GPC1: variants seen among roughly 807,000 people sequenced by gnomAD.
The protein encoded by GPC1 is glypican 1.
Under a neutral mutation model 51.5 loss-of-function variants are expected in GPC1, and 26 were observed. That is an observed-to-expected ratio of 0.50 (90% confidence interval 0.37 to 0.70). GPC1 has a LOEUF of 0.70. GPC1 is among the 30% of genes least tolerant of loss of function. The pLI, the probability that GPC1 is intolerant of heterozygous loss-of-function variation, is 0.00. For synonymous variants in GPC1, 380 were observed against 348.3 expected (o/e 1.09, Z -1.01); for missense variants, 775 against 800.5 (o/e 0.97, Z 0.38).
In GPC1 at chr2:240,447,688, G is replaced by A. The variant is rs528015455; in HGVS notation, c.167-11342G>A. Among the ~76,000 whole-genome samples, 13 of 152,332 alleles carry A rather than the reference G, an allele frequency of 8.5e-5. 1 individual carries two copies. The South Asian group carries it at 1.4e-3, about 17-fold the overall frequency. The stretch of plus-strand genomic sequence containing the variant: ...GGGGGTCAAGGGCCGGCTCCACACC[G>A]GCTGTGTGCCCCTGGCCCTGCCCAC... On this transcript the variant is annotated intron_variant, in intron 1 of 8. Transcript: ENST00000264039.
chr2:240,444,196 G>A (rs2074035408), intron 1 of GPC1, among the ~76,000 whole-genome samples: 1 of 152,194 alleles, frequency 6.6e-6, no homozygotes, highest in Non-Finnish European at 1.5e-5. Flanking sequence ...CGCCCGGTGG[G>A]TCTCCTGAGG....
rs776827653 is a variant in GPC1 at position 240,464,632 on chromosome 2, C to T, written c.900C>T (p.Ile300=). ...CTGTCCTAGACTCCATGGTGCTCAT[C>T]ACCGACAAGTTCTGGGGTACATCGG... is the stretch of plus-strand genomic sequence containing the variant. ...WRNLLDSMVL[I]TDKFWGTSGV... The change falls in exon 5 of 9, where the codon ATC becomes ATT. Residue 300 remains isoleucine (I), a synonymous_variant. Transcript: ENST00000264039. 6.2e-7 allele frequency: 1 copy of T among 1,613,296 alleles called. No individual in the cohort carries two copies. Among genetic ancestry groups the T allele is most frequent in the South Asian group, 1.1e-5 (1 of 91,072 alleles).
At chr2:240,436,346 G>A (rs553356954) in intron 1 of GPC1, among the ~76,000 whole-genome samples, 226 of 152,204 alleles carry the variant, frequency 1.5e-3, no homozygotes, top group African/African-American at 5.3e-3. Flanking sequence ...CCGCACGCCG[G>A]CTTCTTCCCT....
intron 2 of GPC1, among the ~76,000 whole-genome samples, chr2:240,460,877 G>A (rs2074209614): frequency 6.6e-6 from 1 of 152,130 alleles, no homozygotes; most frequent in South Asian, 2.1e-4. Context: ...GGCAGCTGAG[G>A]GCCCCTGGGT....
intron 1 of GPC1, among the ~76,000 whole-genome samples, chr2:240,438,153 GC>G (rs1378732540): frequency 6.6e-6 from 1 of 152,208 alleles, no homozygotes; most frequent in Non-Finnish European, 1.5e-5. Flanking sequence ...TGCTGCCAGG[GC>G]TCGGGGTGCC....
chr2:240,451,725 A>C, intron 1 of GPC1: 1 of 181,260 alleles, frequency 5.5e-6, no homozygotes, highest in Non-Finnish European at 1.1e-5. Flanking sequence ...TGAGCCTCAG[A>C]CAGTGGAGCA....
rs1022539670 is a variant in GPC1, at chr2:240,467,804, TAAC to T, written c.*1515_*1517del. ...CAACACAGGCAAGTCCACCCCATAA[TAAC>T]CCTGCCAGTGCCAGGGTGGGCTGGG... On this transcript the variant is annotated 3_prime_UTR_variant, in exon 9 of 9. Transcript: ENST00000264039. 6 of 152,370 alleles carry T rather than the reference TAAC, an allele frequency of 3.9e-5. No individual in the cohort carries two copies. Among genetic ancestry groups the T allele is most frequent in the Admixed American group, 1.3e-4 (2 of 15,314 alleles). 9.4% of individuals were successfully genotyped at this position (152,370 alleles called of 1,614,324 possible).
intron 1 of GPC1, chr2:240,451,128 C>A (rs1193318024): frequency 2.1e-6 from 1 of 471,206 alleles, no homozygotes; most frequent in Non-Finnish European, 4.4e-6. Flanking sequence ...CCCTTCTGTT[C>A]CTTCCCCAGT....
Position 240,462,478 on chromosome 2 carries a change from G to T in GPC1, c.613G>T (p.Ala205Ser), listed in dbSNP as rs764654974. The T allele has an allele frequency of 6.2e-7, 1 of 1,601,552 alleles. No individual in the cohort carries two copies. Among genetic ancestry groups the T allele is most frequent in the Admixed American group, 1.7e-5 (1 of 59,498 alleles). Residue 205 changes from alanine (A) to serine (S), a missense_variant, in exon 3 of 9, where the codon GCC becomes TCC. Ala to Ser is a moderately conservative substitution (Grantham distance 99). Transcript: ENST00000264039. Reference sequence around the variant, plus strand: ...CGAGGCGCTGCGGCCCTTCGGGGAGGCCCCGAGAGAGCTGCGCCTGCGGGC... The same window carrying T: ...CGAGGCGCTGCGGCCCTTCGGGGAGTCCCCGAGAGAGCTGCGCCTGCGGGC... ...QAEALRPFGE[A>S]PRELRLRATR...
intron 2 of GPC1, 137 bp downstream of exon 2, chr2:240,459,325 GC>G (rs2074197475): frequency 5.8e-6 from 5 of 860,960 alleles, no homozygotes; most frequent in Non-Finnish European, 8.9e-6. Flanking sequence ...GTGCTTTGGG[GC>G]TAGGGCGCTG....
At position 240,466,283 on chromosome 2, in the gene GPC1, GGC is replaced by G; in HGVS notation, c.1672_1673del (p.Arg558ValfsTer93). The G allele has an allele frequency of 6.4e-7, 1 of 1,572,682 alleles. No individual in the cohort carries two copies. On this transcript the variant is annotated frameshift_variant, in exon 9 of 9. Coordinates refer to ENST00000264039, the MANE Select transcript of GPC1 (RefSeq NM_002081.3). LOFTEE classifies it high-confidence loss of function. ...GCCCTTACAGTAGCCAGGCCCCGGT[GGC>G]GGTAACTGCCCCAAGGCCCCAGGGA...
intron 1 of GPC1, chr2:240,458,103 C>A (rs1046892192): frequency 2.1e-6 from 1 of 469,254 alleles, no homozygotes; most frequent in Admixed American, 2.4e-5. Context: ...ATAGCTGGGA[C>A]GAGACCTCAT....
intron 1 of GPC1, chr2:240,456,552 C>T (rs927350656): frequency 4.3e-6 from 2 of 465,136 alleles, no homozygotes; most frequent in Admixed American, 2.4e-5. Flanking sequence ...GCACCTGCCA[C>T]CCCCTCCCCC....
chr2:240,437,570 TGTCTGTCCCAG>T (rs1233194127), intron 1 of GPC1, among the ~76,000 whole-genome samples: 1 of 152,146 alleles, frequency 6.6e-6, no homozygotes, highest in Non-Finnish European at 1.5e-5. Flanking sequence ...CACTGGGCTC[TGTCTGTCCCAG>T]GTAGGGGGCA....
Position 240,439,093 on chromosome 2 carries a change from T to C in GPC1, c.166+3009T>C, listed in dbSNP as rs556727617. Among the ~76,000 whole-genome samples, 3 of 152,280 alleles carry C rather than the reference T, an allele frequency of 2.0e-5. No homozygotes were observed. The South Asian group carries it at 6.2e-4, about 32-fold the overall frequency. Reference sequence around the variant, plus strand: ...ACCTGTCTGGCCTCCTGATGTCTGATGTGATGTGATGTGTGTCTGTTTGCT... The same window carrying C: ...ACCTGTCTGGCCTCCTGATGTCTGACGTGATGTGATGTGTGTCTGTTTGCT... On this transcript the variant is annotated intron_variant, in intron 1 of 8. Coordinates refer to ENST00000264039, the MANE Select transcript of GPC1 (RefSeq NM_002081.3).
chr2:240,447,060 C>T (rs2074055288), intron 1 of GPC1, among the ~76,000 whole-genome samples: 1 of 152,086 alleles, frequency 6.6e-6, no homozygotes, highest in Admixed American at 6.5e-5. Flanking sequence ...CCAGGGATGC[C>T]CAGAAGGGGT....
At chr2:240,449,707 C>T (rs1397252497) in intron 1 of GPC1, 1 of 397,840 alleles carries the variant, frequency 2.5e-6, no homozygotes, top group Admixed American at 2.8e-5. Flanking sequence ...ACAGTAACTC[C>T]CCATTTCCCC....
At chr2:240,458,676 T>G (rs2074191270) in intron 1 of GPC1, 2 of 232,244 alleles carry the variant, frequency 8.6e-6, no homozygotes, top group East Asian at 9.0e-5. Context: ...AGGGGTGCCT[T>G]TCGGGCCTGG....
chr2:240,443,129 C>T (rs933475609), intron 1 of GPC1, among the ~76,000 whole-genome samples: 3 of 152,258 alleles, frequency 2.0e-5, no homozygotes, highest in Middle Eastern at 3.2e-3. Context: ...AGGATGCCGC[C>T]GCCTGTGCCG....
Sources: allele counts gnomAD v4.1 joint callset (sites outside exome capture counted in the v4.1 genomes callset), GRCh38; gene constraint gnomAD v4.1.1; transcripts MANE v1.5; gene names NCBI Gene and HGNC (gene_info 2026-07-23, HGNC 2026-07-21).